FBLN1: variants seen among roughly 807,000 people sequenced by gnomAD.
The protein encoded by FBLN1 is fibulin-1.
A neutral mutation model predicts 89.7 loss-of-function variants in FBLN1; 34 were observed. The observed-to-expected ratio is 0.38, with a 90% CI of 0.29 to 0.50. The LOEUF is 0.50. Ranked by LOEUF, FBLN1 falls within the 20% of genes least tolerant of loss-of-function variation. The probability of loss-of-function intolerance (pLI) is 0.92; values close to 1 mark genes in which losing one functional copy is unlikely to be tolerated. For missense variants in FBLN1, 777 were observed against 988.1 expected, an observed-to-expected ratio of 0.79 and a Z score of 2.86; for synonymous variants, 393 against 391.3, an observed-to-expected ratio of 1.00 and a Z score of -0.05.
At chr22:45,535,435 A>G in intron 8 of FBLN1, 98 bp downstream of exon 8, 2 of 1,481,560 alleles carry the variant, frequency 1.3e-6, no homozygotes, top group South Asian at 1.2e-5. Context: ...CGCATGGTAT[A>G]CAGAACAGGG....
intron 1 of FBLN1, among the ~76,000 whole-genome samples, chr22:45,514,489 CT>C (rs1316260819): frequency 2.0e-5 from 3 of 152,216 alleles, no homozygotes; most frequent in South Asian, 4.1e-4. Context: ...TCCCCCACCC[CT>C]AGCTCATCCC....
intron 10 of FBLN1, 137 bp from the exon 11 acceptor site, chr22:45,543,264 T>G: frequency 9.0e-7 from 1 of 1,110,016 alleles, no homozygotes; most frequent in Non-Finnish European, 1.3e-6. Context: ...AGACTCCATC[T>G]CAAAGATGAA....
In FBLN1 at chr22:45,550,737, C is replaced by T; in HGVS notation, c.1697+122C>T. The stretch of plus-strand genomic sequence containing the variant: ...GTCCTCCCATGAGGGACTCAGGGCA[C>T]TCAAAGATCACCTGATCCCTGGCCC... On this transcript the variant is annotated intron_variant, in intron 14 of 16. Coordinates refer to ENST00000327858, the MANE Select transcript of FBLN1 (RefSeq NM_006486.3). This position sits in a 1 kb window ranked among gnomAD's most constrained non-coding sequence, Gnocchi z 8.4. The T allele has an allele frequency of 2.9e-6, 4 of 1,391,372 alleles. No homozygotes were observed. Among genetic ancestry groups the T allele is most frequent in the Non-Finnish European group, 4.1e-6 (4 of 984,844 alleles). The allele number at this position is 1,391,372 out of a possible 1,614,324, so 86.2% of individuals were successfully genotyped here. A position where few individuals can be genotyped will look rare whatever the true frequency, so the allele number is the denominator to read the frequency against.
At position 45,530,465 on chromosome 22, in the gene FBLN1, A is replaced by T. The variant is rs150480013; in HGVS notation, c.485-800A>T. Among the ~76,000 whole-genome samples, 338 of 151,934 alleles carry T rather than the reference A, an allele frequency of 2.2e-3. 1 individual carries two copies. The highest frequency in any genetic ancestry group is 7.6e-3 in the African/African-American group (313 of 41,410). On this transcript the variant is annotated intron_variant, in intron 4 of 16. Transcript: ENST00000327858. The surrounding 1 kb of genome is among the most constrained non-coding windows in gnomAD (Gnocchi z 5.4). ...CCTCCCACTGCTACCAGTGCCATGG[A>T]CCCACTGTATGTTTCCTGGGGGCCA...
chr22:45,591,139 T>C (rs73886426), intron 16 of FBLN1, among the ~76,000 whole-genome samples: 11,319 of 152,212 alleles, frequency 0.074, 1,407 homozygotes, highest in African/African-American at 0.26. Context: ...CAGAGCTTGG[T>C]GGAAGGGGCA....
At chr22:45,525,852 C>G (rs1246339575) in intron 3 of FBLN1, among the ~76,000 whole-genome samples, 174 bp downstream of exon 3, 2 of 152,202 alleles carry the variant, frequency 1.3e-5, no homozygotes, top group Admixed American at 1.3e-4. Flanking sequence ...CTGTTTCTCC[C>G]CCTCCACTGT....
intron 1 of FBLN1, among the ~76,000 whole-genome samples, chr22:45,505,874 C>T (rs1380182453): frequency 7.2e-5 from 11 of 152,124 alleles, no homozygotes; most frequent in South Asian, 6.2e-4. Flanking sequence ...CGAGTTGAAG[C>T]GATTCTCCTG....
At chr22:45,565,170 A>C in intron 14 of FBLN1, 1 of 1,557,072 alleles carries the variant, frequency 6.4e-7, no homozygotes, top group Non-Finnish European at 8.7e-7. Context: ...TACATTCTCC[A>C]AGATGCAGCC....
At chr22:45,586,015 C>T (rs1266776720) in intron 16 of FBLN1, among the ~76,000 whole-genome samples, 1 of 117,562 alleles carries the variant, frequency 8.5e-6, no homozygotes, top group Non-Finnish European at 1.7e-5. Flanking sequence ...CCAGACCCCT[C>T]AGAAGGCTTG....
intron 16 of FBLN1, 43 bp from the exon 17 acceptor site, chr22:45,600,264 C>T (rs1920924584): frequency 1.2e-6 from 2 of 1,613,478 alleles, no homozygotes; most frequent in Admixed American, 1.7e-5. Flanking sequence ...TACGTTGCTG[C>T]AGTCCCTTCT....
intron 14 of FBLN1, among the ~76,000 whole-genome samples, chr22:45,555,208 G>T (rs1165998014): frequency 6.7e-6 from 1 of 148,164 alleles, no homozygotes; most frequent in African/African-American, 2.5e-5. Context: ...GTTTGGACCT[G>T]TATTAGGGTT....
intron 16 of FBLN1, among the ~76,000 whole-genome samples, chr22:45,587,008 C>G (rs2089092813): frequency 6.6e-6 from 1 of 152,150 alleles, no homozygotes; most frequent in Non-Finnish European, 1.5e-5. Flanking sequence ...TTCTGGGGGA[C>G]TCCTGCGAGG....
rs57663711 is a variant in FBLN1, at chr22:45,518,180, C to G, written c.80-502C>G. On this transcript the variant is annotated intron_variant, in intron 1 of 16. Transcript: ENST00000327858. ...AAATTTTTTTTTCCTTCTTACTTGACTCAGCTCGTTGCATTTTGAACCCCC... is the reference window on the plus strand; with the variant it reads ...AAATTTTTTTTTCCTTCTTACTTGAGTCAGCTCGTTGCATTTTGAACCCCC... 1.7e-3 allele frequency among the ~76,000 whole-genome samples: 260 copies of G among 151,032 alleles called. 2 individuals carry two copies. The East Asian group carries it at 0.026, about 15-fold the overall frequency.
rs192463640 is a variant in FBLN1, at chr22:45,504,652, C to G, written c.79+1588C>G. On this transcript the variant is annotated intron_variant, in intron 1 of 16. Coordinates refer to ENST00000327858, the MANE Select transcript of FBLN1 (RefSeq NM_006486.3). ...GGCGTGGTAAAACTCTCCCTGGCCC[C>G]GGAGTCTCTGCGTTCCCTCTCACTG... Among the ~76,000 whole-genome samples the G allele has an allele frequency of 4.5e-3, 683 of 152,226 alleles. 2 individuals carry two copies. Among genetic ancestry groups the G allele is most frequent in the African/African-American group, 0.016 (660 of 41,530 alleles).
At chr22:45,524,950 G>A (rs1488043775) in intron 2 of FBLN1, among the ~76,000 whole-genome samples, 1 of 152,096 alleles carries the variant, frequency 6.6e-6, no homozygotes, top group Non-Finnish European at 1.5e-5. Flanking sequence ...CAGGTGTGGT[G>A]GCGCATGCCT....
intron 14 of FBLN1, chr22:45,565,716 C>G (rs2088895971): frequency 8.4e-6 from 1 of 118,430 alleles, no homozygotes; most frequent in Admixed American, 7.9e-5. Flanking sequence ...ATGGACAGAC[C>G]AATGGATGGA....
rs374378216 is a variant in FBLN1 at position 45,574,504 on chromosome 22, C to T, written c.1698-7C>T. 3.4e-4 allele frequency: 553 copies of T among 1,613,962 alleles called. No homozygotes were observed. The highest frequency in any genetic ancestry group is 4.6e-4 in the Non-Finnish European group (544 of 1,180,030). On this transcript the variant is annotated splice_polypyrimidine_tract_variant and splice_region_variant and intron_variant, in intron 14 of 16. Coordinates refer to ENST00000327858, the MANE Select transcript of FBLN1 (RefSeq NM_006486.3). This position sits in a 1 kb window ranked among gnomAD's most constrained non-coding sequence, Gnocchi z 4.1. ...CCGTCAGCCTCGTGTGCTGTGGTTC[C>T]CCTCAGGCTCCAGCAGGAGAAGACA...
At chr22:45,558,283 G>A in intron 14 of FBLN1, 1 of 478,838 alleles carries the variant, frequency 2.1e-6, no homozygotes, top group Non-Finnish European at 3.9e-6. Context: ...AGATGGGTCA[G>A]AAAGCACCCA....
intron 16 of FBLN1, among the ~76,000 whole-genome samples, chr22:45,592,388 G>A (rs1020625890): frequency 2.6e-5 from 4 of 152,246 alleles, no homozygotes; most frequent in South Asian, 2.1e-4. Context: ...GTGTGGTGGC[G>A]TGATCTCGGC....
Sources: gnomAD v4.1 joint callset for allele counts (sites outside exome capture counted in the v4.1 genomes callset) on GRCh38, gnomAD v4.1.1 for gene constraint, Gnocchi (gnomAD v3.1) non-coding constraint, MANE v1.5 for transcripts, NCBI Gene and HGNC (gene_info 2026-07-23, HGNC 2026-07-21) for gene names.